CCDC60: variants seen among roughly 807,000 people sequenced by gnomAD.
CCDC60 encodes the protein coiled-coil domain-containing protein 60.
In CCDC60, 54 loss-of-function variants were observed where a neutral mutation model predicts 63.5. The ratio of observed to expected loss-of-function variants is 0.85; its 90% confidence interval spans 0.68 to 1.07. The LOEUF is 1.07. Among genes scored for constraint, CCDC60 ranks in the 50% least tolerant of loss-of-function variants. The pLI is 0.00. For synonymous variants in CCDC60, 206 were observed against 238.8 expected, an observed-to-expected ratio of 0.86 and a Z score of 1.27; for missense variants, 651 against 684.3, an observed-to-expected ratio of 0.95 and a Z score of 0.54.
At chr12:119,519,419 G>A (rs2136484146) in intron 8 of CCDC60, among the ~76,000 whole-genome samples, 1 of 140,956 alleles carries the variant, frequency 7.1e-6, no homozygotes, top group South Asian at 2.3e-4. Context: ...GTGTGTGTGT[G>A]TGTGTGTGTG....
At chr12:119,532,396 C>CTATTGT (rs1555257647) in intron 13 of CCDC60, among the ~76,000 whole-genome samples, 5 of 142,332 alleles carry the variant, frequency 3.5e-5, no homozygotes, top group Non-Finnish European at 7.6e-5. Context: ...CATCACAGAA[C>CTATTGT]TATTATTATT....
intron 1 of CCDC60, among the ~76,000 whole-genome samples, chr12:119,360,922 T>G (rs1955781901): frequency 6.6e-6 from 1 of 152,092 alleles, no homozygotes; most frequent in African/African-American, 2.4e-5. Context: ...TCACTCGCGG[T>G]TAGGAGCTGG....
At chr12:119,475,523 G>A (rs1028400037) in intron 3 of CCDC60, among the ~76,000 whole-genome samples, 2 of 152,196 alleles carry the variant, frequency 1.3e-5, no homozygotes, top group African/African-American at 2.4e-5. Context: ...TACAAGGCTG[G>A]TTATTAAAAT....
At chr12:119,449,245 G>T (rs988371325) in intron 2 of CCDC60, among the ~76,000 whole-genome samples, 20 of 152,220 alleles carry the variant, frequency 1.3e-4, no homozygotes, top group African/African-American at 4.8e-4. Context: ...TTCCCTTTGG[G>T]GGGTTTAAAC....
chr12:119,361,511 A>C (rs1259236854), intron 1 of CCDC60, among the ~76,000 whole-genome samples: 1 of 152,158 alleles, frequency 6.6e-6, no homozygotes, highest in Non-Finnish European at 1.5e-5. Flanking sequence ...GCTTAGGAAC[A>C]GCAGGGAAAA....
intron 1 of CCDC60, among the ~76,000 whole-genome samples, chr12:119,426,153 G>C (rs1956895915): frequency 6.6e-6 from 1 of 152,068 alleles, no homozygotes; most frequent in Non-Finnish European, 1.5e-5. Flanking sequence ...CCAGCCAAGG[G>C]GTTGAGGCCC....
Position 119,413,529 on chromosome 12 carries a change from C to G in CCDC60, c.91-15154C>G, listed in dbSNP as rs1356711003. Among the ~76,000 whole-genome samples the G allele has an allele frequency of 2.6e-5, 4 of 152,140 alleles. No homozygotes were observed. The South Asian group carries it at 8.3e-4, about 32-fold the overall frequency. On this transcript the variant is annotated intron_variant, in intron 1 of 13. Coordinates refer to ENST00000327554, the MANE Select transcript of CCDC60 (RefSeq NM_178499.5). ...ATTCAATGTGTATAAACTACAGGTA[C>G]TCCTGGTATAGTGAGAGTAATAGTG...
chr12:119,417,264 T>G (rs1291797662), intron 1 of CCDC60, among the ~76,000 whole-genome samples: 1 of 152,140 alleles, frequency 6.6e-6, no homozygotes, highest in Non-Finnish European at 1.5e-5. Flanking sequence ...GCAGGAGAGA[T>G]GCTACATTGT....
At chr12:119,528,342 G>T (rs548366483) in intron 11 of CCDC60, among the ~76,000 whole-genome samples, 2 of 152,134 alleles carry the variant, frequency 1.3e-5, no homozygotes, top group South Asian at 2.1e-4. Context: ...CTTAGAGACT[G>T]AAAAGCTATG....
intron 2 of CCDC60, among the ~76,000 whole-genome samples, chr12:119,458,730 G>GTTTTTTGT (rs1555245843): frequency 6.6e-6 from 1 of 151,272 alleles, no homozygotes; most frequent in African/African-American, 2.5e-5. Flanking sequence ...AGAGAGATTT[G>GTTTTTTGT]TTTTGTTTTT....
At chr12:119,527,672 T>C (rs1952719833) in intron 11 of CCDC60, among the ~76,000 whole-genome samples, 1 of 127,242 alleles carries the variant, frequency 7.9e-6, no homozygotes, top group African/African-American at 3.1e-5. Flanking sequence ...CTTTCTTTTT[T>C]TTTTTTTTTT....
At position 119,527,364 on chromosome 12, in the gene CCDC60, A is replaced by G. The variant is rs569774794; in HGVS notation, c.1230-1251A>G. 2.6e-5 allele frequency among the ~76,000 whole-genome samples: 4 copies of G among 152,330 alleles called. No individual in the cohort carries two copies. The East Asian group carries it at 7.7e-4, about 29-fold the overall frequency. On this transcript the variant is annotated intron_variant, in intron 11 of 13. Transcript: ENST00000327554. ...GTAATATGTACAACAAACCCCCGTGACACATGTTTATCTATGTAACAAATC... is the reference window on the plus strand; with the variant it reads ...GTAATATGTACAACAAACCCCCGTGGCACATGTTTATCTATGTAACAAATC...
At chr12:119,405,150 G>A (rs899110018) in intron 1 of CCDC60, among the ~76,000 whole-genome samples, 1 of 152,188 alleles carries the variant, frequency 6.6e-6, no homozygotes, top group African/African-American at 2.4e-5. Context: ...TCCTGTCTCC[G>A]TGCACACCCC....
intron 1 of CCDC60, among the ~76,000 whole-genome samples, chr12:119,418,400 T>TGAGA (rs1956747629): frequency 1.6e-4 from 2 of 12,794 alleles, no homozygotes; most frequent in Non-Finnish European, 1.4e-4. Context: ...TTTTTTTTTT[T>TGAGA]TTTTTTTTTT....
Position 119,428,666 on chromosome 12 carries a change from C to A in CCDC60, c.91-17C>A. 6.5e-7 allele frequency: 1 copy of A among 1,540,866 alleles called. No homozygotes were observed. The highest frequency in any genetic ancestry group is 8.9e-7 in the Non-Finnish European group (1 of 1,120,378). Reference sequence around the variant, plus strand: ...TATTAACACTCCTTTTATTTTAACCCCTTGTCTTCTCATCAGGTCCCAGAC... The same window carrying A: ...TATTAACACTCCTTTTATTTTAACCACTTGTCTTCTCATCAGGTCCCAGAC... On this transcript the variant is annotated splice_polypyrimidine_tract_variant and intron_variant, in intron 1 of 13. Transcript: ENST00000327554.
chr12:119,350,853 A>G (rs1056095282), intron 1 of CCDC60, among the ~76,000 whole-genome samples: 1 of 152,160 alleles, frequency 6.6e-6, no homozygotes, highest in Non-Finnish European at 1.5e-5. Context: ...GCAGGATCCC[A>G]GGTTGCTGTT....
At chr12:119,524,383 C>T (rs1952621812) in intron 11 of CCDC60, 5 of 925,166 alleles carry the variant, frequency 5.4e-6, no homozygotes, top group East Asian at 1.2e-4. Flanking sequence ...ATAACTTCTG[C>T]CCTTTCTAGC....
intron 1 of CCDC60, among the ~76,000 whole-genome samples, chr12:119,390,921 G>A (rs951735712): frequency 2.6e-5 from 4 of 152,256 alleles, no homozygotes; most frequent in Non-Finnish European, 5.9e-5. Context: ...AGGCGGGGCA[G>A]CCATGCCACT....
At chr12:119,347,426 AAATTCTGT>A (rs1191436918) in intron 1 of CCDC60, among the ~76,000 whole-genome samples, 1 of 152,168 alleles carries the variant, frequency 6.6e-6, no homozygotes, top group Non-Finnish European at 1.5e-5. Context: ...TCTCCAAAAA[AAATTCTGT>A]ATCATAATTG....
Sources: gnomAD v4.1 joint callset for allele counts (sites outside exome capture counted in the v4.1 genomes callset) on GRCh38, gnomAD v4.1.1 for gene constraint, MANE v1.5 for transcripts, NCBI Gene and HGNC (gene_info 2026-07-23, HGNC 2026-07-21) for gene names.